Variants in STAG2 observed in about 807,000 individuals in gnomAD.
STAG2 encodes STAG2 cohesin complex component, also known as cohesin subunit SA-2.
Under a neutral mutation model 108.1 loss-of-function variants are expected in STAG2, and 14 were observed. The observed-to-expected ratio is 0.13, with a 90% CI of 0.09 to 0.20. The LOEUF (loss-of-function observed/expected upper bound fraction) is 0.20. STAG2 is among the 10% of genes least tolerant of loss of function. STAG2 has a pLI of 1.00. For synonymous variants in STAG2, 307 were observed against 302.7 expected, an observed-to-expected ratio of 1.01 and a Z score of -0.15; for missense variants, 440 against 940.9, an observed-to-expected ratio of 0.47 and a Z score of 6.96.
intron 6 of STAG2, among the ~76,000 whole-genome samples, chrX:124,041,789 A>G (rs147733391): frequency 0.014 from 1,542 of 111,208 alleles, 22 homozygotes; most frequent in African/African-American, 0.048. Flanking sequence ...TCTAATGTGT[A>G]CCTTTTCTTT....
chrX:124,050,390 T>G, intron 11 of STAG2, 81 bp downstream of exon 11: 1 of 981,194 alleles, frequency 1.0e-6, no homozygotes, highest in Non-Finnish European at 1.3e-6. Context: ...TATCTCCCAG[T>G]ATGTATACCT....
At chrX:124,057,705 A>C (rs779129122) in intron 14 of STAG2, among the ~76,000 whole-genome samples, 161 bp from the exon 15 acceptor site, 7 of 111,929 alleles carry the variant, frequency 6.3e-5, no homozygotes, top group African/African-American at 2.3e-4. Context: ...GGTTTATAGC[A>C]ATTATTTGCG....
chrX:123,984,129 G>A (rs1445063796), intron 1 of STAG2, among the ~76,000 whole-genome samples: 1 of 107,330 alleles, frequency 9.3e-6, no homozygotes, highest in Non-Finnish European at 1.9e-5. Flanking sequence ...ACAGGCATGC[G>A]CCACCATGCC....
chrX:123,987,750 AT>A (rs1484200823), intron 1 of STAG2, among the ~76,000 whole-genome samples: 2 of 112,214 alleles, frequency 1.8e-5, no homozygotes, highest in African/African-American at 6.5e-5. Context: ...ATAAGGGATA[AT>A]TCAACATAAA....
At chrX:124,050,396 T>C (rs2057999661) in intron 11 of STAG2, 87 bp downstream of exon 11, 7 of 960,096 alleles carry the variant, frequency 7.3e-6, no homozygotes, top group Non-Finnish European at 1.4e-6. Context: ...CCAGTATGTA[T>C]ACCTGGTGAC....
chrX:124,063,228 A>G, intron 19 of STAG2, 23 bp downstream of exon 19: 1 of 1,100,322 alleles, frequency 9.1e-7, no homozygotes, highest in East Asian at 3.0e-5. Context: ...TGTGTAAAAA[A>G]AACCTTTAAG....
chrX:123,976,939 A>G (rs1002195238), intron 1 of STAG2, among the ~76,000 whole-genome samples: 5 of 112,316 alleles, frequency 4.5e-5, no homozygotes, highest in African/African-American at 6.5e-5. Flanking sequence ...TATAAAGGAT[A>G]CAAGAACTCT....
Position 123,983,974 on chromosome X carries a change from C to CTTTTCTTTTT in STAG2, c.-163+22122_-163+22123insCTTTTTTTTT, listed in dbSNP as rs1168788249. On this transcript the variant is annotated intron_variant, in intron 1 of 34. Transcript: ENST00000371145. ...AAAAAGAATAATTTTCTTTTCTTTT[C>CTTTTCTTTTT]TTTTTTTTTTTTTTTTTTTTTGAGA... 7.5e-3 allele frequency among the ~76,000 whole-genome samples: 461 copies of CTTTTCTTTTT among 61,437 alleles called. 24 individuals carry two copies. Among genetic ancestry groups the CTTTTCTTTTT allele is most frequent in the African/African-American group, 0.038 (421 of 10,956 alleles). 53.4% of individuals were successfully genotyped at this position (61,437 alleles called of 115,157 possible).
intron 34 of STAG2, among the ~76,000 whole-genome samples, chrX:124,098,282 T>C (rs1245392836): frequency 2.7e-5 from 3 of 111,560 alleles, no homozygotes; most frequent in Admixed American, 9.6e-5. Flanking sequence ...TTTTATAGCA[T>C]TACCACATGA....
At chrX:123,988,937 G>C (rs1228687851) in intron 1 of STAG2, among the ~76,000 whole-genome samples, 1 of 111,184 alleles carries the variant, frequency 9.0e-6, no homozygotes, top group Non-Finnish European at 1.9e-5. Context: ...CTGTCTATCT[G>C]TGTGTGTCTT....
intron 8 of STAG2, among the ~76,000 whole-genome samples, chrX:124,046,808 A>C (rs2057892657): frequency 8.9e-6 from 1 of 111,865 alleles, no homozygotes; most frequent in African/African-American, 3.2e-5. Context: ...CAGTTTCATC[A>C]GTCATGTTAT....
chrX:124,014,463 C>T (rs1184449068), intron 1 of STAG2, among the ~76,000 whole-genome samples: 1 of 110,457 alleles, frequency 9.1e-6, no homozygotes. Context: ...TGGGTTTAAG[C>T]GATTCTCATG....
chrX:124,058,032 T>A (rs2058260087), intron 15 of STAG2, 55 bp downstream of exon 15: 1 of 703,257 alleles, frequency 1.4e-6, no homozygotes, highest in Admixed American at 3.4e-5. Context: ...GGAAAAGGGG[T>A]TAAAATGAGG....
intron 27 of STAG2, among the ~76,000 whole-genome samples, chrX:124,080,543 C>T (rs1041774788): frequency 9.0e-5 from 10 of 110,671 alleles, no homozygotes; most frequent in Non-Finnish European, 1.7e-4. Context: ...CAAAAATTAG[C>T]TGGGCTTGGT....
intron 1 of STAG2, among the ~76,000 whole-genome samples, chrX:123,995,383 T>C (rs143361962): frequency 4.5e-5 from 5 of 111,961 alleles, no homozygotes; most frequent in Non-Finnish European, 9.4e-5. Flanking sequence ...TCCTAACATA[T>C]AAAGAGCTCT....
At chrX:124,071,358 T>A (rs2148374487) in intron 25 of STAG2, 35 bp downstream of exon 25, 1 of 1,076,538 alleles carries the variant, frequency 9.3e-7, no homozygotes. Context: ...TAAATCTGTG[T>A]CCACCATAAA....
In STAG2 at chrX:124,051,416, A is replaced by G. The variant is rs752265389; in HGVS notation, c.1196+22A>G. ...TACAGTAAGTATGTATTTGTTGCAT[A>G]TTTGCACTAATGTTCAGATATCTAA... is the stretch of plus-strand genomic sequence containing the variant. On this transcript the variant is annotated intron_variant, in intron 13 of 34. Coordinates refer to ENST00000371145, the MANE Select transcript of STAG2 (RefSeq NM_001042750.2). 2.8e-5 allele frequency: 31 copies of G among 1,096,121 alleles called. No homozygotes were observed. In the South Asian group the frequency reaches 5.2e-4, roughly 18 times the overall value. The allele number at this position is 1,096,121 out of a possible 1,213,427, so 90.3% of individuals were successfully genotyped here.
At chrX:123,988,730 A>G (rs1364380644) in intron 1 of STAG2, among the ~76,000 whole-genome samples, 1 of 111,675 alleles carries the variant, frequency 9.0e-6, no homozygotes, top group Non-Finnish European at 1.9e-5. Context: ...GAGTACTACT[A>G]CAAGACACAG....
At chrX:124,022,792 T>C in intron 3 of STAG2, 121 bp downstream of exon 3, 1 of 444,065 alleles carries the variant, frequency 2.3e-6, no homozygotes, top group Non-Finnish European at 3.7e-6. Context: ...ATAGCTTTTA[T>C]GCTTTGCAAG....
Sources: allele counts gnomAD v4.1 joint callset (sites outside exome capture counted in the v4.1 genomes callset), GRCh38; gene constraint gnomAD v4.1.1; transcripts MANE v1.5; gene names NCBI Gene and HGNC (gene_info 2026-07-23, HGNC 2026-07-21).